ASB3: variants seen among roughly 807,000 people sequenced by gnomAD.
ASB3 encodes ankyrin repeat and SOCS box protein 3.
Under a neutral mutation model 54.5 loss-of-function variants are expected in ASB3, and 41 were observed. The observed-to-expected ratio is 0.75, with a 90% CI of 0.59 to 0.98. The LOEUF is 0.98. Among genes scored for constraint, ASB3 ranks in the 50% least tolerant of loss-of-function variants. ASB3 has a pLI of 0.00. For synonymous variants in ASB3, 266 were observed against 221.2 expected, an observed-to-expected ratio of 1.20 and a Z score of -1.80; for missense variants, 733 against 620.0, an observed-to-expected ratio of 1.18 and a Z score of -1.94.
At chr2:53,673,708 A>C (rs1667938957) in intron 9 of ASB3, among the ~76,000 whole-genome samples, 1 of 152,178 alleles carries the variant, frequency 6.6e-6, no homozygotes, top group African/African-American at 2.4e-5. Context: ...GCTCAATATA[A>C]TTCTCCAACA....
chr2:53,691,627 T>C (rs567151135), intron 9 of ASB3, among the ~76,000 whole-genome samples: 1 of 152,218 alleles, frequency 6.6e-6, no homozygotes, highest in East Asian at 1.9e-4. Flanking sequence ...AGAGATCCTG[T>C]AGCTCAAAAT....
chr2:53,743,667 A>C (rs1402671998), intron 3 of ASB3, among the ~76,000 whole-genome samples: 2 of 152,270 alleles, frequency 1.3e-5, no homozygotes, highest in Non-Finnish European at 2.9e-5. Flanking sequence ...CTAATAAAAT[A>C]ACACATTATA....
chr2:53,760,954 C>T (rs542634130), intron 2 of ASB3, among the ~76,000 whole-genome samples: 67 of 152,254 alleles, frequency 4.4e-4, no homozygotes, highest in African/African-American at 1.6e-3. Context: ...GCCCATGCTC[C>T]GATGTTAATG....
chr2:53,771,788 A>G (rs1201243295), intron 1 of ASB3: 8 of 709,038 alleles, frequency 1.1e-5, no homozygotes, highest in Admixed American at 2.4e-5. Context: ...TGCTTAAGAA[A>G]TAGTGCTTCT....
chr2:53,753,238 A>C (rs754549076), intron 2 of ASB3, among the ~76,000 whole-genome samples: 3 of 152,224 alleles, frequency 2.0e-5, no homozygotes, highest in Non-Finnish European at 4.4e-5. Context: ...AGACAAAAAG[A>C]ACTGCACATA....
At position 53,728,905 on chromosome 2, in the gene ASB3, T is replaced by C. The variant is rs992292200; in HGVS notation, c.469-58A>G. On this transcript the variant is annotated intron_variant, in intron 4 of 9. Transcript: ENST00000263634. ...AAAACAAAGAAAATAGAAGGTATCT[T>C]TCTTCTTACTGTGTTTTTTTTTTCT... 3.1e-5 allele frequency: 47 copies of C among 1,507,588 alleles called. No individual in the cohort carries two copies. The Admixed American group carries it at 1.0e-3, about 32-fold the overall frequency. 93.4% of individuals were successfully genotyped at this position (1,507,588 alleles called of 1,614,324 possible).
intron 1 of ASB3, among the ~76,000 whole-genome samples, chr2:53,781,458 C>G (rs1178661035): frequency 2.0e-5 from 3 of 151,152 alleles, no homozygotes; most frequent in African/African-American, 7.3e-5. Context: ...TCATTTTGTA[C>G]CTCCATTGGT....
chr2:53,739,580 T>C (rs558695289), intron 3 of ASB3, among the ~76,000 whole-genome samples: 4 of 152,374 alleles, frequency 2.6e-5, no homozygotes, highest in South Asian at 2.1e-4. Flanking sequence ...AACAATTCTG[T>C]ACAAATTACA....
At chr2:53,699,733 C>A (rs1392331945) in intron 8 of ASB3, among the ~76,000 whole-genome samples, 1 of 149,986 alleles carries the variant, frequency 6.7e-6, no homozygotes, top group Non-Finnish European at 1.5e-5. Flanking sequence ...AAAGAGTCTT[C>A]TTCTTGCCCC....
chr2:53,720,835 A>G (rs1670663125), intron 5 of ASB3, among the ~76,000 whole-genome samples: 2 of 152,140 alleles, frequency 1.3e-5, no homozygotes, highest in South Asian at 4.1e-4. Context: ...TGCTCGGCCA[A>G]AAAGCACATC....
chr2:53,705,895 G>A (rs985900668), intron 7 of ASB3, among the ~76,000 whole-genome samples: 1 of 152,122 alleles, frequency 6.6e-6, no homozygotes, highest in Admixed American at 6.5e-5. Context: ...ATGAAAATAT[G>A]AGTAGATGTT....
intron 7 of ASB3, among the ~76,000 whole-genome samples, chr2:53,707,529 TC>T (rs753660872): frequency 4.0e-5 from 6 of 150,978 alleles, no homozygotes; most frequent in Non-Finnish European, 8.8e-5. Flanking sequence ...GCACCTGTAG[TC>T]CCAGCTACTC....
chr2:53,712,531 C>CTGG (rs1558532345), intron 7 of ASB3, among the ~76,000 whole-genome samples: 1 of 152,180 alleles, frequency 6.6e-6, no homozygotes, highest in East Asian at 1.9e-4. Context: ...TTATCCGAAT[C>CTGG]TACAGAAGGC....
chr2:53,748,412 G>A (rs897520034), intron 3 of ASB3: 7 of 152,042 alleles, frequency 4.6e-5, no homozygotes, highest in Middle Eastern at 3.4e-3. Flanking sequence ...TGCAGGTGCA[G>A]GGGAAAAAAG....
intron 8 of ASB3, chr2:53,694,250 G>T: frequency 2.6e-6 from 1 of 389,214 alleles, no homozygotes; most frequent in Non-Finnish European, 4.6e-6. Context: ...ATGACAAGAG[G>T]AACCTCAGAG....
chr2:53,732,862 C>T (rs552832200), intron 3 of ASB3, among the ~76,000 whole-genome samples: 229 of 152,264 alleles, frequency 1.5e-3, no homozygotes, highest in Non-Finnish European at 2.8e-3. Context: ...CCAAAGCCTC[C>T]GCTTTGGAAG....
intron 5 of ASB3, among the ~76,000 whole-genome samples, chr2:53,728,314 A>G (rs552654680): frequency 1.2e-4 from 19 of 152,308 alleles, no homozygotes; most frequent in African/African-American, 3.8e-4. Flanking sequence ...ACCTATTTAC[A>G]TAATCACAAA....
chr2:53,714,231 T>C (rs965304124), intron 7 of ASB3, among the ~76,000 whole-genome samples, 153 bp downstream of exon 7: 12 of 152,204 alleles, frequency 7.9e-5, no homozygotes, highest in Non-Finnish European at 1.3e-4. Flanking sequence ...TCAGCTTGAC[T>C]GAAACATCAT....
chr2:53,728,854 C>A lies in ASB3; in HGVS notation c.469-7G>T. The A allele has an allele frequency of 6.3e-7, 1 of 1,580,442 alleles. No individual in the cohort carries two copies. The highest frequency in any genetic ancestry group is 8.6e-7 in the Non-Finnish European group (1 of 1,163,864). On this transcript the variant is annotated splice_polypyrimidine_tract_variant and splice_region_variant and intron_variant, in intron 4 of 9. Coordinates refer to ENST00000263634, the MANE Select transcript of ASB3 (RefSeq NM_016115.5). ...TTATGATCTCAGCATTTTCCTAAAG[C>A]ACAGATTCACATTTTAAATAAGAAA...
Sources: gnomAD v4.1 joint callset for allele counts (sites outside exome capture counted in the v4.1 genomes callset) on GRCh38, gnomAD v4.1.1 for gene constraint, MANE v1.5 for transcripts, NCBI Gene and HGNC (gene_info 2026-07-23, HGNC 2026-07-21) for gene names.